Variants in SHISA9 observed in about 807,000 individuals in gnomAD.
The protein encoded by SHISA9 is shisa family member 9, also known as protein shisa-9.
A neutral mutation model predicts 38.0 loss-of-function variants in SHISA9; 13 were observed. The observed-to-expected ratio is 0.34, with a 90% CI of 0.22 to 0.54. The LOEUF is 0.54. Among genes scored for constraint, SHISA9 ranks in the 20% least tolerant of loss-of-function variants. The probability of loss-of-function intolerance (pLI) is 0.91; values close to 1 mark genes in which losing one functional copy is unlikely to be tolerated. For synonymous variants in SHISA9, 275 were observed against 242.0 expected, an observed-to-expected ratio of 1.14 and a Z score of -1.27; for missense variants, 538 against 575.8, an observed-to-expected ratio of 0.93 and a Z score of 0.67.
intron 2 of SHISA9, among the ~76,000 whole-genome samples, chr16:13,144,937 A>G (rs919847814): frequency 2.6e-5 from 4 of 152,206 alleles, no homozygotes; most frequent in African/African-American, 7.2e-5. Context: ...GTAAACAATT[A>G]TTTTTGATTT....
Position 13,089,262 on chromosome 16 carries a change from C to CT in SHISA9, c.692-114125dup, listed in dbSNP as rs542856518. 4.6e-3 allele frequency among the ~76,000 whole-genome samples: 696 copies of CT among 152,266 alleles called. 8 individuals carry two copies. Among genetic ancestry groups the CT allele is most frequent in the African/African-American group, 0.016 (666 of 41,554 alleles). ...ATCAGGGATATTGGTCTAAAATTCT[C>CT]TTTTTTTGTTGTGTCTCTGCCAGGC... On this transcript the variant is annotated intron_variant, in intron 2 of 4. Coordinates refer to ENST00000558583, the MANE Select transcript of SHISA9 (RefSeq NM_001145204.3).
chr16:12,980,411 A>G (rs2072224950), intron 2 of SHISA9, among the ~76,000 whole-genome samples: 1 of 152,196 alleles, frequency 6.6e-6, no homozygotes, highest in East Asian at 1.9e-4. Flanking sequence ...TGAAAATATT[A>G]CTTCATGTAT....
chr16:13,262,654 A>AAGGAAGGGAGGGAGGG, the SHISA9 span, among the ~76,000 whole-genome samples: 22 of 47,750 alleles, frequency 4.6e-4, no homozygotes, highest in Non-Finnish European at 8.1e-4. Flanking sequence ...GGAAGGAAGG[A>AAGGAAGGGAGGGAGGG]AGGAAGGAAG....
intron 2 of SHISA9, among the ~76,000 whole-genome samples, chr16:13,178,416 T>A (rs1212425439): frequency 6.6e-6 from 1 of 152,026 alleles, no homozygotes; most frequent in African/African-American, 2.4e-5. Flanking sequence ...CTGACGATGC[T>A]TCTGCCTCCC....
chr16:13,053,381 G>A (rs2073274809), intron 2 of SHISA9, among the ~76,000 whole-genome samples: 1 of 152,124 alleles, frequency 6.6e-6, no homozygotes, highest in Non-Finnish European at 1.5e-5. Flanking sequence ...CATGGTCCAA[G>A]TCTCCATCAT....
At chr16:13,360,917 T>C in the SHISA9 span, among the ~76,000 whole-genome samples, 3 of 152,214 alleles carry the variant, frequency 2.0e-5, no homozygotes, top group Middle Eastern at 3.4e-3. Context: ...AGTAACAAGC[T>C]CCATAATGTC....
At chr16:13,450,432 G>A in the SHISA9 span, among the ~76,000 whole-genome samples, 1 of 152,212 alleles carries the variant, frequency 6.6e-6, no homozygotes, top group South Asian at 2.1e-4. Flanking sequence ...CAAAGCATAA[G>A]TAACTCCTCT....
chr16:13,133,429 C>T (rs140105340), intron 2 of SHISA9, among the ~76,000 whole-genome samples: 2 of 152,254 alleles, frequency 1.3e-5, no homozygotes, highest in African/African-American at 4.8e-5. Context: ...GCTCATTGCC[C>T]AGTGGTGTCT....
At chr16:13,343,852 C>T in the SHISA9 span, among the ~76,000 whole-genome samples, 1 of 152,130 alleles carries the variant, frequency 6.6e-6, no homozygotes, top group East Asian at 1.9e-4. Context: ...GTTACATTGG[C>T]TGGGTCCTCC....
the SHISA9 span, among the ~76,000 whole-genome samples, chr16:13,528,880 A>G: frequency 5.3e-5 from 8 of 152,326 alleles, no homozygotes; most frequent in African/African-American, 1.9e-4. Flanking sequence ...CCTAAAGAAC[A>G]TGTACGTGAT....
At position 12,975,660 on chromosome 16, in the gene SHISA9, G is replaced by GT. The variant is rs1279582978; in HGVS notation, c.691+58845_691+58846insT. On this transcript the variant is annotated intron_variant, in intron 2 of 4. Transcript: ENST00000558583. ...ATGGGTGGGGTGGGACGGGGGCGGG[G>GT]GGGGTAAGGGCATGTCACTATGAAT... is the stretch of plus-strand genomic sequence containing the variant. Among the ~76,000 whole-genome samples the GT allele has an allele frequency of 2.3e-4, 35 of 149,194 alleles. No homozygotes were observed. In the South Asian group the frequency reaches 7.7e-3, roughly 33 times the overall value.
chr16:12,935,547 C>T (rs574230644), intron 2 of SHISA9, among the ~76,000 whole-genome samples: 2 of 152,114 alleles, frequency 1.3e-5, no homozygotes, highest in African/African-American at 2.4e-5. Context: ...GAAGGAAAAT[C>T]GAATAATTAG....
At chr16:13,304,923 A>G in the SHISA9 span, among the ~76,000 whole-genome samples, 1 of 152,214 alleles carries the variant, frequency 6.6e-6, no homozygotes, top group Non-Finnish European at 1.5e-5. Flanking sequence ...GATGCAGGTG[A>G]AGGACACCCA....
chr16:12,988,014 A>G (rs1290438693), intron 2 of SHISA9, among the ~76,000 whole-genome samples: 1 of 152,224 alleles, frequency 6.6e-6, no homozygotes, highest in Non-Finnish European at 1.5e-5. Flanking sequence ...TAAATACACC[A>G]ATAATCAGAT....
intron 2 of SHISA9, among the ~76,000 whole-genome samples, chr16:13,173,500 G>C (rs2050705869): frequency 6.6e-6 from 1 of 151,978 alleles, no homozygotes; most frequent in African/African-American, 2.4e-5. Flanking sequence ...AGAGGACACT[G>C]TTTCTGCCCG....
chr16:13,033,179 C>T (rs889568866), intron 2 of SHISA9, among the ~76,000 whole-genome samples: 4 of 152,142 alleles, frequency 2.6e-5, no homozygotes, highest in African/African-American at 9.7e-5. Flanking sequence ...GTTCTTATTT[C>T]TGAAATCATC....
At chr16:13,115,429 C>T (rs1019751319) in intron 2 of SHISA9, among the ~76,000 whole-genome samples, 4 of 152,170 alleles carry the variant, frequency 2.6e-5, no homozygotes, top group South Asian at 2.1e-4. Flanking sequence ...AGGGATGGGC[C>T]GAATTAATTG....
intron 2 of SHISA9, among the ~76,000 whole-genome samples, chr16:12,936,404 C>G (rs1322067218): frequency 2.0e-5 from 3 of 152,154 alleles, no homozygotes; most frequent in African/African-American, 7.2e-5. Context: ...CACAGTGAGG[C>G]ATAAGTGTCT....
chr16:13,527,721 C>T, the SHISA9 span, among the ~76,000 whole-genome samples: 10 of 152,216 alleles, frequency 6.6e-5, no homozygotes, highest in African/African-American at 1.2e-4. Flanking sequence ...CTCTTGGGCT[C>T]GGTGAGAAAC....
Sources: gnomAD v4.1 joint callset for allele counts (sites outside exome capture counted in the v4.1 genomes callset) on GRCh38, gnomAD v4.1.1 for gene constraint, MANE v1.5 for transcripts, NCBI Gene and HGNC (gene_info 2026-07-23, HGNC 2026-07-21) for gene names.